ZNF281: variants seen among roughly 807,000 people sequenced by gnomAD.
The protein encoded by ZNF281 is GC-box-binding zinc finger protein 1.
ZNF281 carries 2 observed loss-of-function variants against 58.8 expected under a neutral mutation model. The observed-to-expected ratio is 0.03, with a 90% CI of 0.01 to 0.11. The LOEUF is 0.11. ZNF281 is among the 10% of genes least tolerant of loss of function. ZNF281 has a pLI of 1.00. For missense variants in ZNF281, 975 were observed against 1,090.7 expected (o/e 0.89, Z 1.49); for synonymous variants, 465 against 407.7 (o/e 1.14, Z -1.69).
rs941908187 is a variant in ZNF281, at chr1:200,405,015, G to A, written c.*2003C>T. 6.6e-6 allele frequency: 1 copy of A among 152,528 alleles called. No individual in the cohort carries two copies. The highest frequency in any genetic ancestry group is 1.5e-5 in the Non-Finnish European group (1 of 68,014). The allele number at this position is 152,528 out of a possible 1,614,324, so 9.4% of individuals were successfully genotyped here. A position where few individuals can be genotyped will look rare whatever the true frequency, so the allele number is the denominator to read the frequency against. On this transcript the variant is annotated 3_prime_UTR_variant, in exon 2 of 2. Transcript: ENST00000367353. ...AAACAATCAGAATAATACATATGCA[G>A]TATTCAGTACACACAATAAAAGTTA...
rs1654506972 is a variant in ZNF281 at position 200,408,153 on chromosome 1, TGGA to T, written c.1550_1552del (p.Leu517del). 1 of 1,614,026 alleles carries T rather than the reference TGGA, an allele frequency of 6.2e-7. No homozygotes were observed. The highest frequency in any genetic ancestry group is 1.3e-5 in the African/African-American group (1 of 74,934). On this transcript the variant is annotated inframe_deletion, in exon 2 of 2. Coordinates refer to ENST00000367353, the MANE Select transcript of ZNF281 (RefSeq NM_001281293.2). ...CTGACCTTGTTTGCCACTTGTACTTTGGAGAAGACCAATGGTCTCCACACTATT... is the reference window on the plus strand; with the variant it reads ...CTGACCTTGTTTGCCACTTGTACTTTGAAGACCAATGGTCTCCACACTATT...
rs1428543938 is a variant in ZNF281, at chr1:200,409,413, A to G, written c.293T>C (p.Met98Thr). ...CGCCGCCGGCTCCTTCTTGAAAGTC[A>G]TGTCCGGGGCTGGCGGAGGGGGGGG... Reference protein sequence around the residue: ...AEPPPPPAPDMTFKKEPAASA... With the variant: ...AEPPPPPAPDTTFKKEPAASA... Residue 98 changes from methionine (M) to threonine (T), a missense_variant, in exon 2 of 2, where the codon ATG becomes ACG. This residue lies in a region of ZNF281 where 370 missense variants were observed against 360.9 expected (regional missense o/e 1.03). Transcript: ENST00000367353. The G allele has an allele frequency of 2.0e-6, 3 of 1,514,658 alleles. No individual in the cohort carries two copies. The highest frequency in any genetic ancestry group is 2.7e-6 in the Non-Finnish European group (3 of 1,129,326). 93.8% of individuals were successfully genotyped at this position (1,514,658 alleles called of 1,614,324 possible). A position where few individuals can be genotyped will look rare whatever the true frequency, so the allele number is the denominator to read the frequency against.
rs1266424668 is a variant in ZNF281, at chr1:200,407,678, A to C, written c.2028T>G (p.Phe676Leu). Residue 676 changes from phenylalanine (F) to leucine (L), a missense_variant, in exon 2 of 2, where the codon TTT becomes TTG. Phe to Leu is a conservative substitution (Grantham distance 22). This residue lies in a region of ZNF281 where 579 missense variants were observed against 608.9 expected (regional missense o/e 0.95). Coordinates refer to ENST00000367353, the MANE Select transcript of ZNF281 (RefSeq NM_001281293.2). ...QEYSKYLQQA[F>L]EKSTNASFTL... ...TAAAACTTGCATTAGTGGATTTTTC[A>C]AAAGCCTGTTGGAGGTATTTGGAGT... 2 of 1,614,206 alleles carry C rather than the reference A, an allele frequency of 1.2e-6. No individual in the cohort carries two copies. The highest frequency in any genetic ancestry group is 3.3e-5 in the Admixed American group (2 of 60,030).
In ZNF281 at chr1:200,406,754, C is replaced by A; in HGVS notation, c.*264G>T. 3.4e-6 allele frequency: 1 copy of A among 294,026 alleles called. No individual in the cohort carries two copies. The highest frequency in any genetic ancestry group is 6.2e-6 in the Non-Finnish European group (1 of 162,236). The allele number at this position is 294,026 out of a possible 1,614,324, so 18.2% of individuals were successfully genotyped here. A position where few individuals can be genotyped will look rare whatever the true frequency, so the allele number is the denominator to read the frequency against. ...TGCGTTTAAAACATTTGGGCTATTC[C>A]CTGACGATCTATACATGTAAATTTG... On this transcript the variant is annotated 3_prime_UTR_variant, in exon 2 of 2. Transcript: ENST00000367353.
chr1:200,407,890 C>T lies in ZNF281; in HGVS notation c.1816G>A (p.Val606Ile), dbSNP rs770045085. ...CHDKSGIPDE[V>I]LQSILDQYSN... ...TATTGATCCAAAATACTTTGTAAAA[C>T]CTCATCAGGAATTCCAGACTTGTCA... is the stretch of plus-strand genomic sequence containing the variant. Residue 606 changes from valine (V) to isoleucine (I), a missense_variant, in exon 2 of 2, where the codon GTT becomes ATT. This residue lies in a region of ZNF281 where 579 missense variants were observed against 608.9 expected (regional missense o/e 0.95). Coordinates refer to ENST00000367353, the MANE Select transcript of ZNF281 (RefSeq NM_001281293.2). The T allele has an allele frequency of 3.0e-5, 49 of 1,613,914 alleles. No individual in the cohort carries two copies. The South Asian group carries it at 4.2e-4, about 14-fold the overall frequency.
In ZNF281 at chr1:200,409,261, AGTGGTGGTGGTGATG is replaced by A; in HGVS notation, c.430_444del (p.His144_His148del). The A allele has an allele frequency of 1.2e-6, 2 of 1,612,832 alleles. No individual in the cohort carries two copies. Among genetic ancestry groups the A allele is most frequent in the African/African-American group, 1.3e-5 (1 of 74,960 alleles). ...TCAGCTCCAGCGAACAGCCCCCCAT[AGTGGTGGTGGTGATG>A]GTGGTGGTGGGACTGCTGCTCCTCA... On this transcript the variant is annotated inframe_deletion, in exon 2 of 2. Transcript: ENST00000367353.
Position 200,407,219 on chromosome 1 carries a change from C to A in ZNF281, c.2487G>T (p.Glu829Asp). ...GAGAACCAAACGCTTGTGCAAAGTT[C>A]TCAATCTGATACGTTGTTCTAGGCT... The part of the protein sequence containing the change: ...DIEPRTTYQI[E>D]NFAQAFGSQF... The change falls in exon 2 of 2, where the codon GAG (glutamate) becomes GAT (aspartate). Residue 829 changes from glutamate (E) to aspartate (D), a missense_variant. By Grantham distance (45) the Glu-to-Asp change is conservative (BLOSUM62 2). Around this residue, in one of 3 missense-constraint regions of ZNF281, gnomAD observed 579 missense variants for 608.9 expected, o/e 0.95. Transcript: ENST00000367353. 1 of 1,614,248 alleles carries A rather than the reference C, an allele frequency of 6.2e-7. No individual in the cohort carries two copies. Among genetic ancestry groups the A allele is most frequent in the East Asian group, 2.2e-5 (1 of 44,892 alleles).
chr1:200,408,609 G>T lies in ZNF281; in HGVS notation c.1097C>A (p.Thr366Lys). The change falls in exon 2 of 2, where the codon ACA (threonine) becomes AAA (lysine). Residue 366 changes from threonine (T) to lysine (K), a missense_variant. Physicochemically the swap from Thr to Lys is moderately conservative, Grantham distance 78. Around this residue, in one of 3 missense-constraint regions of ZNF281, gnomAD observed 26 missense variants for 121.0 expected, o/e 0.21. Transcript: ENST00000367353. ...RTDRLLKHRR[T>K]CGEVIVKGAT... Reference sequence around the variant, plus strand: ...TCCTTTAACTATGACTTCACCACATGTGCGCCTGTGCTTCAACAATCTATC... The same window carrying T: ...TCCTTTAACTATGACTTCACCACATTTGCGCCTGTGCTTCAACAATCTATC... 6.2e-7 allele frequency: 1 copy of T among 1,614,180 alleles called. No homozygotes were observed. Among genetic ancestry groups the T allele is most frequent in the South Asian group, 1.1e-5 (1 of 91,082 alleles).
In ZNF281 at chr1:200,409,603, T is replaced by TGCCGCCGCCGCCGCCGCCGCCACTACC; in HGVS notation, c.76_102dup (p.Gly26_Gly34dup). 6.5e-7 allele frequency: 1 copy of TGCCGCCGCCGCCGCCGCCGCCACTACC among 1,548,058 alleles called. No homozygotes were observed. Among genetic ancestry groups the TGCCGCCGCCGCCGCCGCCGCCACTACC allele is most frequent in the Non-Finnish European group, 8.7e-7 (1 of 1,146,596 alleles). On this transcript the variant is annotated inframe_insertion, in exon 2 of 2. Coordinates refer to ENST00000367353, the MANE Select transcript of ZNF281 (RefSeq NM_001281293.2). Reference sequence around the variant, plus strand: ...TCCATCTCTGCCCTCCTGCCGCTGCTGCCGCCGCCGCCGCCGCCGCCACTA... The same window carrying TGCCGCCGCCGCCGCCGCCGCCACTACC: ...TCCATCTCTGCCCTCCTGCCGCTGCTGCCGCCGCCGCCGCCGCCGCCACTACCGCCGCCGCCGCCGCCGCCGCCACTA...
rs1654567445 is a variant in ZNF281, at chr1:200,409,666, T to A, written c.40A>T (p.Thr14Ser). Residue 14 changes from threonine (T) to serine (S), a missense_variant, in exon 2 of 2, where the codon ACC (threonine) becomes TCC (serine). Physicochemically the swap from Thr to Ser is moderately conservative, Grantham distance 58 (BLOSUM62 1). This residue lies in a region of ZNF281 where 370 missense variants were observed against 360.9 expected (regional missense o/e 1.03). Transcript: ENST00000367353. Reference protein sequence around the residue: ...GSGFLSGGGGTGSSGGSGSGG... With the variant: ...GSGFLSGGGGSGSSGGSGSGG... ...GAGCCGCTACCACCGCTACTGCCGGTACCTCCGCCGCCACTCAGGAACCCA... is the reference window on the plus strand; with the variant it reads ...GAGCCGCTACCACCGCTACTGCCGGAACCTCCGCCGCCACTCAGGAACCCA... 32 of 1,560,986 alleles carry A rather than the reference T, an allele frequency of 2.0e-5. No individual in the cohort carries two copies. The highest frequency in any genetic ancestry group is 2.8e-5 in the Non-Finnish European group (32 of 1,155,970).
intron 1 of ZNF281, 35 bp downstream of exon 1, chr1:200,409,911 G>A: frequency 6.7e-6 from 5 of 750,412 alleles, no homozygotes; most frequent in South Asian, 3.7e-5. Context: ...CCCAGGCCTC[G>A]CCCTCTCCCT....
In ZNF281 at chr1:200,406,979, T is replaced by C. The variant is rs1285368369; in HGVS notation, c.*39A>G. 3.3e-6 allele frequency: 5 copies of C among 1,538,366 alleles called. No homozygotes were observed. The African/African-American group carries it at 6.9e-5, about 21-fold the overall frequency. Reference sequence around the variant, plus strand: ...GCAGTGTTCTCAAAATAAAACAAAATTACATTAGAAGACCTCCAGCCTGGC... The same window carrying C: ...GCAGTGTTCTCAAAATAAAACAAAACTACATTAGAAGACCTCCAGCCTGGC... On this transcript the variant is annotated 3_prime_UTR_variant, in exon 2 of 2. Transcript: ENST00000367353.
rs763297172 is a variant in ZNF281 at position 200,407,776 on chromosome 1, A to G, written c.1930T>C (p.Leu644=). 1.2e-6 allele frequency: 2 copies of G among 1,614,146 alleles called. No homozygotes were observed. Among genetic ancestry groups the G allele is most frequent in the South Asian group, 1.1e-5 (1 of 91,088 alleles). Residue 644 remains leucine, a synonymous_variant, in exon 2 of 2, where the codon TTG becomes CTG. Coordinates refer to ENST00000367353, the MANE Select transcript of ZNF281 (RefSeq NM_001281293.2). ...DLHTSGEHSE[L]VQEENLSPGT... ...GGGCTCAAATTTTCTTCTTGAACCA[A>G]TTCTGAGTGTTCTCCTGAGGTGTGT... is the stretch of plus-strand genomic sequence containing the variant.
In ZNF281 at chr1:200,405,506, G is replaced by A. The variant is rs1471188506; in HGVS notation, c.*1512C>T. 1 of 151,810 alleles carries A rather than the reference G, an allele frequency of 6.6e-6. No homozygotes were observed. Among genetic ancestry groups the A allele is most frequent in the Non-Finnish European group, 1.5e-5 (1 of 67,968 alleles). 9.4% of individuals were successfully genotyped at this position (151,810 alleles called of 1,614,324 possible). A position where few individuals can be genotyped will look rare whatever the true frequency, so the allele number is the denominator to read the frequency against. On this transcript the variant is annotated 3_prime_UTR_variant, in exon 2 of 2. Coordinates refer to ENST00000367353, the MANE Select transcript of ZNF281 (RefSeq NM_001281293.2). ...ACATAAGACTGAAACATCACCAAAA[G>A]TACATAAAAAACTCATCAGCATAAA...
At position 200,409,503 on chromosome 1, in the gene ZNF281, C is replaced by T. The variant is rs1654555795; in HGVS notation, c.203G>A (p.Gly68Glu). 1 of 1,548,980 alleles carries T rather than the reference C, an allele frequency of 6.5e-7. No individual in the cohort carries two copies. Among genetic ancestry groups the T allele is most frequent in the African/African-American group, 1.4e-5 (1 of 73,046 alleles). ...GCATTGCGGGGGAGGGGCGGCCGAC[C>T]CCGCCGGCCGGGTGAAGCTGGTGAC... The part of the protein sequence containing the change: ...PPVTSFTRPA[G>E]SAAPPPQCVL... The change falls in exon 2 of 2, where the codon GGG (glycine) becomes GAG (glutamate). Residue 68 changes from glycine (G) to glutamate (E), a missense_variant. By Grantham distance (98) the Gly-to-Glu change is moderately conservative (BLOSUM62 -2). Coordinates refer to ENST00000367353, the MANE Select transcript of ZNF281 (RefSeq NM_001281293.2).
chr1:200,409,891 G>A lies in ZNF281; in HGVS notation c.-19+55C>T, dbSNP rs1654575029. 21 of 888,750 alleles carry A rather than the reference G, an allele frequency of 2.4e-5. No individual in the cohort carries two copies. The South Asian group carries it at 3.3e-4, about 14-fold the overall frequency. 55.1% of individuals were successfully genotyped at this position (888,750 alleles called of 1,614,324 possible). A position where few individuals can be genotyped will look rare whatever the true frequency, so the allele number is the denominator to read the frequency against. ...CTCCGGCACCGGCACGCATGGTCCT[G>A]CGACTCTTCCCCAGGCCTCGCCCTC... is the stretch of plus-strand genomic sequence containing the variant. On this transcript the variant is annotated intron_variant, in intron 1 of 1. Coordinates refer to ENST00000367353, the MANE Select transcript of ZNF281 (RefSeq NM_001281293.2).
Position 200,408,101 on chromosome 1 carries a change from C to T in ZNF281, c.1605G>A (p.Met535Ile). The change falls in exon 2 of 2, where the codon ATG becomes ATA. Residue 535 changes from methionine to isoleucine, a missense_variant. Physicochemically the swap from Met to Ile is conservative, Grantham distance 10. Coordinates refer to ENST00000367353, the MANE Select transcript of ZNF281 (RefSeq NM_001281293.2). ...GQISSNYDDA[M>I]QFSKKRRYLP... ...AATATCTTCTTTTCTTTGAAAACTGCATGGCATCATCATAATTACTACTTA... is the reference window on the plus strand; with the variant it reads ...AATATCTTCTTTTCTTTGAAAACTGTATGGCATCATCATAATTACTACTTA... 6.2e-7 allele frequency: 1 copy of T among 1,614,138 alleles called. No homozygotes were observed. The highest frequency in any genetic ancestry group is 8.5e-7 in the Non-Finnish European group (1 of 1,180,018).
At position 200,407,536 on chromosome 1, in the gene ZNF281, C is replaced by G; in HGVS notation, c.2170G>C (p.Val724Leu). 1.2e-6 allele frequency: 2 copies of G among 1,614,164 alleles called. No homozygotes were observed. The highest frequency in any genetic ancestry group is 1.7e-6 in the Non-Finnish European group (2 of 1,180,040). Residue 724 changes from valine to leucine, a missense_variant, in exon 2 of 2, where the codon GTT becomes CTT. Around this residue, in one of 3 missense-constraint regions of ZNF281, gnomAD observed 579 missense variants for 608.9 expected, o/e 0.95. Transcript: ENST00000367353. ...SPLECGFGQS[V>L]TSVLPSSLPK... ...AATGAAGATGGCAACACTGAGGTAA[C>G]AGATTGGCCGAAACCACACTCCAAA...
At position 200,407,318 on chromosome 1, in the gene ZNF281, GTTT is replaced by G; in HGVS notation, c.2385_2387del (p.Lys795del). On this transcript the variant is annotated inframe_deletion, in exon 2 of 2. Transcript: ENST00000367353. ...TCTGAAAGCCTGTTGAAGACTCTAA[GTTT>G]TTCTGTTCCTTCTGGCTAGTCAATT... is the stretch of plus-strand genomic sequence containing the variant. 6.2e-7 allele frequency: 1 copy of G among 1,614,150 alleles called. No homozygotes were observed. Among genetic ancestry groups the G allele is most frequent in the Admixed American group, 1.7e-5 (1 of 60,032 alleles).
Sources: allele counts gnomAD v4.1 joint callset, GRCh38; gene constraint gnomAD v4.1.1; regional missense constraint gnomAD v4.1.1; transcripts MANE v1.5; gene names NCBI Gene and HGNC (gene_info 2026-07-23, HGNC 2026-07-21).